The following YAP1 variants were observed in gnomAD, a reference collection of about 807,000 sequenced individuals.
YAP1 encodes transcriptional coactivator YAP1.
A neutral mutation model predicts 56.9 loss-of-function variants in YAP1; 5 were observed. The observed-to-expected ratio is 0.09, with a 90% CI of 0.05 to 0.18. The LOEUF (loss-of-function observed/expected upper bound fraction) is 0.18, where lower values mean the gene tolerates loss of function less well. Ranked by LOEUF, YAP1 falls within the 10% of genes least tolerant of loss-of-function variation. YAP1 has a pLI of 1.00. For missense variants in YAP1, 539 were observed against 651.8 expected (o/e 0.83, Z 1.88); for synonymous variants, 265 against 248.1 (o/e 1.07, Z -0.64).
At chr11:102,223,485 T>TG in intron 6 of YAP1, 137 bp from the exon 7 acceptor site, 1 of 916,670 alleles carries the variant, frequency 1.1e-6, no homozygotes, top group Non-Finnish European at 1.6e-6. Context: ...TCATTCTGAT[T>TG]GGGAAATGTA....
intron 4 of YAP1, among the ~76,000 whole-genome samples, chr11:102,201,267 G>A (rs1224032869): frequency 6.6e-6 from 1 of 152,102 alleles, no homozygotes; most frequent in African/African-American, 2.4e-5. Context: ...TTGTTACAAA[G>A]GCAAAAGCAA....
Position 102,231,056 on chromosome 11 carries a change from G to A in YAP1, c.*1116G>A, listed in dbSNP as rs1950421842. The A allele has an allele frequency of 3.3e-5, 5 of 152,216 alleles. No individual in the cohort carries two copies. Among genetic ancestry groups the A allele is most frequent in the Admixed American group, 3.3e-4 (5 of 15,276 alleles). The allele number at this position is 152,216 out of a possible 1,614,324, so 9.4% of individuals were successfully genotyped here. On this transcript the variant is annotated 3_prime_UTR_variant, in exon 9 of 9. Coordinates refer to ENST00000282441, the MANE Select transcript of YAP1 (RefSeq NM_001130145.3). ...GGGCAGTCTGCAGATGTTTGAAGTA[G>A]TTTAGTGTTCTAGAAAGAGCTATTA...
At chr11:102,151,974 A>G (rs1192586259) in intron 2 of YAP1, among the ~76,000 whole-genome samples, 1 of 152,226 alleles carries the variant, frequency 6.6e-6, no homozygotes, top group Non-Finnish European at 1.5e-5. Flanking sequence ...CTGAGGCCAG[A>G]CAACCTTATT....
intron 6 of YAP1, 44 bp downstream of exon 6, chr11:102,209,608 A>G: frequency 1.4e-6 from 2 of 1,442,564 alleles, no homozygotes; most frequent in Non-Finnish European, 1.9e-6. Context: ...AAAAAAAAAA[A>G]AGATATTAAA....
At chr11:102,185,783 T>C (rs1947914402) in intron 3 of YAP1, among the ~76,000 whole-genome samples, 1 of 152,156 alleles carries the variant, frequency 6.6e-6, no homozygotes, top group Non-Finnish European at 1.5e-5. Flanking sequence ...AAAAAAATTT[T>C]TTTTCTTCAT....
chr11:102,164,811 C>G (rs1168503124), intron 3 of YAP1, among the ~76,000 whole-genome samples: 1 of 152,180 alleles, frequency 6.6e-6, no homozygotes, highest in East Asian at 1.9e-4. Flanking sequence ...CAACCTCCGC[C>G]TCCCTGGTTC....
chr11:102,121,431 C>T (rs1255680590), intron 2 of YAP1, among the ~76,000 whole-genome samples: 1 of 82,806 alleles, frequency 1.2e-5, no homozygotes, highest in African/African-American at 4.9e-5. Context: ...GGAGTGAGAC[C>T]TTGTCTCAAA....
chr11:102,158,478 A>G (rs1235794682), intron 2 of YAP1, among the ~76,000 whole-genome samples: 1 of 152,202 alleles, frequency 6.6e-6, no homozygotes, highest in African/African-American at 2.4e-5. Context: ...TCATTAAACT[A>G]TAGATTCTTC....
intron 3 of YAP1, among the ~76,000 whole-genome samples, chr11:102,179,894 A>G (rs114348559): frequency 6.6e-6 from 1 of 152,306 alleles, no homozygotes; most frequent in African/African-American, 2.4e-5. Flanking sequence ...TTTAAATGAT[A>G]CATAAAAATA....
At chr11:102,217,884 A>T (rs1179361747) in intron 6 of YAP1, among the ~76,000 whole-genome samples, 1 of 152,092 alleles carries the variant, frequency 6.6e-6, no homozygotes, top group Non-Finnish European at 1.5e-5. Context: ...TATTTTTAGT[A>T]GAGACGGGGT....
At chr11:102,168,109 C>T (rs950625661) in intron 3 of YAP1, among the ~76,000 whole-genome samples, 1 of 151,972 alleles carries the variant, frequency 6.6e-6, no homozygotes, top group Non-Finnish European at 1.5e-5. Flanking sequence ...GCTTAGGATC[C>T]GTAGTTTTTC....
chr11:102,144,531 A>G (rs998513960), intron 2 of YAP1, among the ~76,000 whole-genome samples: 1 of 152,184 alleles, frequency 6.6e-6, no homozygotes, highest in African/African-American at 2.4e-5. Flanking sequence ...TAGTATTTCA[A>G]ATGAGAGCTC....
Position 102,168,000 on chromosome 11 carries a change from C to T in YAP1, c.688+5429C>T, listed in dbSNP as rs928820596. ...TCAAGGCTGCAGTGAGCCATATTTG[C>T]ACCACTGCATTCCAGCCTGGACAAC... is the stretch of plus-strand genomic sequence containing the variant. On this transcript the variant is annotated intron_variant, in intron 3 of 8. Coordinates refer to ENST00000282441, the MANE Select transcript of YAP1 (RefSeq NM_001130145.3). Among the ~76,000 whole-genome samples the T allele has an allele frequency of 7.9e-5, 12 of 152,112 alleles. No homozygotes were observed. The South Asian group carries it at 1.2e-3, about 16-fold the overall frequency.
intron 7 of YAP1, among the ~76,000 whole-genome samples, chr11:102,225,068 C>T (rs905945442): frequency 1.3e-5 from 2 of 152,048 alleles, no homozygotes; most frequent in African/African-American, 4.8e-5. Context: ...CTGGGAAGAT[C>T]AGAGTGGCAG....
Position 102,209,455 on chromosome 11 carries a change from G to A in YAP1, c.985-62G>A, listed in dbSNP as rs1949285778. The A allele has an allele frequency of 2.1e-6, 3 of 1,433,192 alleles. No homozygotes were observed. In the African/African-American group the frequency reaches 4.3e-5, roughly 20 times the overall value. 88.8% of individuals were successfully genotyped at this position (1,433,192 alleles called of 1,614,324 possible). On this transcript the variant is annotated intron_variant, in intron 5 of 8. Transcript: ENST00000282441. ...ATGTCTGGATACAATTTGTAAGTCA[G>A]CCTACACAGCCAGACCATGTGGCTT...
At position 102,210,192 on chromosome 11, in the gene YAP1, C is replaced by G. The variant is rs1834231967; in HGVS notation, c.1032+628C>G. On this transcript the variant is annotated intron_variant, in intron 6 of 8. Coordinates refer to ENST00000282441, the MANE Select transcript of YAP1 (RefSeq NM_001130145.3). ...GCCAATTTTTCTTCTAACACAGGCA[C>G]TTGTCTGACTCGTGGGAAGAATCTC... 3.3e-5 allele frequency among the ~76,000 whole-genome samples: 5 copies of G among 152,154 alleles called. No individual in the cohort carries two copies. In the South Asian group the frequency reaches 1.0e-3, roughly 31 times the overall value.
At chr11:102,199,810 A>G (rs1410977204) in intron 4 of YAP1, among the ~76,000 whole-genome samples, 1 of 152,208 alleles carries the variant, frequency 6.6e-6, no homozygotes, top group East Asian at 1.9e-4. Flanking sequence ...GAGGACACAC[A>G]AAACACGCTC....
chr11:102,158,705 C>T (rs1825337794), intron 2 of YAP1, among the ~76,000 whole-genome samples: 1 of 152,216 alleles, frequency 6.6e-6, no homozygotes, highest in Non-Finnish European at 1.5e-5. Context: ...TACTAACCTA[C>T]ATGAGCACTA....
chr11:102,153,635 C>T (rs1044787275), intron 2 of YAP1, among the ~76,000 whole-genome samples: 1 of 152,064 alleles, frequency 6.6e-6, no homozygotes, highest in South Asian at 2.1e-4. Flanking sequence ...AATTATTAAT[C>T]TTTTTAGTTA....
Sources: allele counts gnomAD v4.1 joint callset (sites outside exome capture counted in the v4.1 genomes callset), GRCh38; gene constraint gnomAD v4.1.1; transcripts MANE v1.5; gene names NCBI Gene and HGNC (gene_info 2026-07-23, HGNC 2026-07-21).